The following ZFPM2 variants were observed in gnomAD, a reference collection of about 807,000 sequenced individuals.
The protein encoded by ZFPM2 is zinc finger protein, FOG family member 2, also known as zinc finger protein ZFPM2.
In ZFPM2, 20 loss-of-function variants were observed where a neutral mutation model predicts 98.6. That is an observed-to-expected ratio of 0.20 (90% CI 0.14 to 0.29). ZFPM2 has a LOEUF of 0.29. Among genes scored for constraint, ZFPM2 ranks in the 10% least tolerant of loss-of-function variants. ZFPM2 has a pLI of 1.00. For missense variants in ZFPM2, 1,310 were observed against 1,388.6 expected (o/e 0.94, Z 0.90); for synonymous variants, 518 against 502.7 (o/e 1.03, Z -0.41).
chr8:105,710,869 C>A lies in ZFPM2; in HGVS notation c.532+76512C>A, dbSNP rs752407625. ...GTGGTTCTAATAATAGTAACTTATTCGTAAGGTCATTATGAACATTCACTT... is the reference window on the plus strand; with the variant it reads ...GTGGTTCTAATAATAGTAACTTATTAGTAAGGTCATTATGAACATTCACTT... On this transcript the variant is annotated intron_variant, in intron 5 of 7. Coordinates refer to ENST00000407775, the MANE Select transcript of ZFPM2 (RefSeq NM_012082.4). 2.6e-5 allele frequency among the ~76,000 whole-genome samples: 4 copies of A among 152,050 alleles called. No individual in the cohort carries two copies. In the South Asian group the frequency reaches 8.3e-4, roughly 32 times the overall value.
intron 5 of ZFPM2, among the ~76,000 whole-genome samples, chr8:105,672,555 A>T (rs1367611662): frequency 6.6e-6 from 1 of 152,190 alleles, no homozygotes; most frequent in South Asian, 2.1e-4. Context: ...ATTGATTTTT[A>T]AAAATCTGAT....
chr8:105,798,545 A>G (rs1813901258), intron 6 of ZFPM2, 179 bp from the exon 7 acceptor site: 1 of 569,208 alleles, frequency 1.8e-6, no homozygotes. Flanking sequence ...GCAGAGTACA[A>G]CATTTCTTTA....
chr8:105,621,771 G>C (rs1398092030), intron 4 of ZFPM2, among the ~76,000 whole-genome samples: 2 of 152,022 alleles, frequency 1.3e-5, no homozygotes, highest in African/African-American at 2.4e-5. Context: ...ATTCTACATA[G>C]TAGATAACCT....
intron 1 of ZFPM2, among the ~76,000 whole-genome samples, chr8:105,389,672 G>A (rs1287312728): frequency 3.9e-5 from 6 of 152,208 alleles, no homozygotes; most frequent in Non-Finnish European, 7.3e-5. Context: ...TGACTAATTT[G>A]TAGAGTCTGT....
chr8:105,788,579 C>A, intron 5 of ZFPM2, 139 bp from the exon 6 acceptor site: 1 of 776,838 alleles, frequency 1.3e-6, no homozygotes, highest in Non-Finnish European at 2.1e-6. Context: ...AGGAACACAG[C>A]TGTTGCCTTG....
At position 105,453,749 on chromosome 8, in the gene ZFPM2, C is replaced by G. The variant is rs538502715; in HGVS notation, c.301+9368C>G. ...CTCCGCCTCCTGGATTCAAGTGATTCTCTTGCGTCAGCCTCCCTAGTGCGC... is the reference window on the plus strand; with the variant it reads ...CTCCGCCTCCTGGATTCAAGTGATTGTCTTGCGTCAGCCTCCCTAGTGCGC... On this transcript the variant is annotated intron_variant, in intron 3 of 7. Transcript: ENST00000407775. Among the ~76,000 whole-genome samples, 3 of 152,086 alleles carry G rather than the reference C, an allele frequency of 2.0e-5. No individual in the cohort carries two copies. In the South Asian group the frequency reaches 6.2e-4, roughly 32 times the overall value.
Position 105,397,725 on chromosome 8 carries a change from C to T in ZFPM2, c.41-21419C>T, listed in dbSNP as rs527293430. Among the ~76,000 whole-genome samples, 8 of 152,062 alleles carry T rather than the reference C, an allele frequency of 5.3e-5. No homozygotes were observed. The East Asian group carries it at 1.4e-3, about 26-fold the overall frequency. ...TAAAATTTCCTATAGTTTGTTGTGC[C>T]ATATACAAGACTTATACTGGTGATA... On this transcript the variant is annotated intron_variant, in intron 1 of 7. Transcript: ENST00000407775.
intron 1 of ZFPM2, among the ~76,000 whole-genome samples, chr8:105,350,007 G>A (rs1364133646): frequency 6.6e-6 from 1 of 152,080 alleles, no homozygotes; most frequent in Non-Finnish European, 1.5e-5. Flanking sequence ...CTCAATTAGT[G>A]CAATAGTTTT....
intron 2 of ZFPM2, among the ~76,000 whole-genome samples, chr8:105,443,680 G>A (rs1812311797): frequency 6.6e-6 from 1 of 152,084 alleles, no homozygotes; most frequent in Admixed American, 6.6e-5. Context: ...GAAACTAGCT[G>A]TATTTATTCA....
At chr8:105,335,962 T>C (rs191427926) in intron 1 of ZFPM2, among the ~76,000 whole-genome samples, 1 of 151,942 alleles carries the variant, frequency 6.6e-6, no homozygotes, top group East Asian at 1.9e-4. Context: ...AGCTATCTAC[T>C]TGAAAATGAG....
At chr8:105,519,150 A>G (rs1813998937) in intron 3 of ZFPM2, among the ~76,000 whole-genome samples, 1 of 152,182 alleles carries the variant, frequency 6.6e-6, no homozygotes, top group Non-Finnish European at 1.5e-5. Context: ...GTTAAATACA[A>G]TTCAGTAACA....
intron 5 of ZFPM2, among the ~76,000 whole-genome samples, chr8:105,668,817 T>C (rs1242071436): frequency 1.3e-5 from 2 of 152,206 alleles, no homozygotes; most frequent in Non-Finnish European, 2.9e-5. Flanking sequence ...AGTTTCTCAA[T>C]TAAATTTGGA....
chr8:105,411,389 G>T (rs1297906417), intron 1 of ZFPM2, among the ~76,000 whole-genome samples: 2 of 151,628 alleles, frequency 1.3e-5, no homozygotes, highest in Non-Finnish European at 3.0e-5. Context: ...ACTCACTTTG[G>T]GCTGGGGCCA....
At position 105,501,434 on chromosome 8, in the gene ZFPM2, C is replaced by T. The variant is rs1328362512; in HGVS notation, c.301+57053C>T. ...TCCTAACTTCAAGTGATCCACCCGC[C>T]TGGGCCTCCCAAACTGCTAGGATTA... is the stretch of plus-strand genomic sequence containing the variant. On this transcript the variant is annotated intron_variant, in intron 3 of 7. Transcript: ENST00000407775. Among the ~76,000 whole-genome samples the T allele has an allele frequency of 2.6e-5, 4 of 152,048 alleles. No homozygotes were observed. The East Asian group carries it at 7.7e-4, about 29-fold the overall frequency.
At chr8:105,657,526 G>A (rs1350245609) in intron 5 of ZFPM2, among the ~76,000 whole-genome samples, 1 of 152,148 alleles carries the variant, frequency 6.6e-6, no homozygotes, top group Non-Finnish European at 1.5e-5. Flanking sequence ...ATGCCAAACA[G>A]AACTGCATTG....
chr8:105,428,948 A>G (rs879321537), intron 2 of ZFPM2, among the ~76,000 whole-genome samples: 7 of 152,200 alleles, frequency 4.6e-5, no homozygotes, highest in Non-Finnish European at 8.8e-5. Context: ...CTGAAACCTG[A>G]CAGTGGCTGT....
intron 1 of ZFPM2, among the ~76,000 whole-genome samples, chr8:105,376,587 C>T (rs1405751359): frequency 6.6e-6 from 1 of 152,172 alleles, no homozygotes; most frequent in Non-Finnish European, 1.5e-5. Context: ...AAATCTGTTC[C>T]TCTTCAATTG....
At chr8:105,324,305 A>G (rs1376229137) in intron 1 of ZFPM2, among the ~76,000 whole-genome samples, 1 of 151,798 alleles carries the variant, frequency 6.6e-6, no homozygotes, top group Admixed American at 6.6e-5. Flanking sequence ...GCCTATATCT[A>G]TATGTATCCA....
intron 4 of ZFPM2, among the ~76,000 whole-genome samples, chr8:105,632,369 T>C (rs1362487668): frequency 6.6e-6 from 1 of 152,158 alleles, no homozygotes; most frequent in Non-Finnish European, 1.5e-5. Context: ...GGGATTTCAC[T>C]ATGTTGGCCA....
Sources: allele counts gnomAD v4.1 joint callset (sites outside exome capture counted in the v4.1 genomes callset), GRCh38; gene constraint gnomAD v4.1.1; transcripts MANE v1.5; gene names NCBI Gene and HGNC (gene_info 2026-07-23, HGNC 2026-07-21).